Variants in B4GALT5 observed in about 807,000 individuals in gnomAD.
B4GALT5 encodes beta-1,4-galactosyltransferase 5.
Under a neutral mutation model 45.0 loss-of-function variants are expected in B4GALT5, and 11 were observed. That is an observed-to-expected ratio of 0.24 (90% CI 0.15 to 0.40). The LOEUF (loss-of-function observed/expected upper bound fraction) is 0.40. Ranked by LOEUF, B4GALT5 falls within the 10% of genes least tolerant of loss-of-function variation. The probability of loss-of-function intolerance (pLI) is 1.00; values close to 1 mark genes in which losing one functional copy is unlikely to be tolerated. For missense variants in B4GALT5, 337 were observed against 500.2 expected (o/e 0.67, Z 3.11); for synonymous variants, 185 against 182.9 (o/e 1.01, Z -0.09).
At chr20:49,678,566 C>G (rs780005186) in intron 1 of B4GALT5, among the ~76,000 whole-genome samples, 1 of 152,150 alleles carries the variant, frequency 6.6e-6, no homozygotes, top group Non-Finnish European at 1.5e-5. Context: ...TTGAAAGAAG[C>G]CTACTAATGC....
intron 1 of B4GALT5, among the ~76,000 whole-genome samples, chr20:49,659,283 C>A (rs528357363): frequency 4.6e-5 from 7 of 152,328 alleles, no homozygotes; most frequent in African/African-American, 1.7e-4. Context: ...TTGCCTTTAT[C>A]CCTGAGCTGC....
intron 1 of B4GALT5, among the ~76,000 whole-genome samples, chr20:49,670,995 GA>G (rs892102060): frequency 6.6e-6 from 1 of 151,932 alleles, no homozygotes; most frequent in Non-Finnish European, 1.5e-5. Flanking sequence ...AAAGGGTCTG[GA>G]AAAAAAATTA....
intron 1 of B4GALT5, among the ~76,000 whole-genome samples, chr20:49,664,421 TACACACACACACACACACACAC>T (rs55990435): frequency 1.7e-4 from 22 of 128,910 alleles, no homozygotes; most frequent in African/African-American, 3.5e-4. Flanking sequence ...GGTCTCCAAA[TACACACACACACACACACACAC>T]ACACACACAC....
At chr20:49,644,182 C>T (rs1350731020) in intron 3 of B4GALT5, among the ~76,000 whole-genome samples, 1 of 152,030 alleles carries the variant, frequency 6.6e-6, no homozygotes, top group East Asian at 1.9e-4. Context: ...CCACCTGGGC[C>T]ACCCAAAATG....
At chr20:49,696,766 T>C (rs997149082) in intron 1 of B4GALT5, among the ~76,000 whole-genome samples, 1 of 152,208 alleles carries the variant, frequency 6.6e-6, no homozygotes, top group Non-Finnish European at 1.5e-5. Flanking sequence ...CCAAGTTGAT[T>C]TAATGGTTTA....
intron 2 of B4GALT5, 59 bp downstream of exon 2, chr20:49,656,509 A>T: frequency 6.3e-7 from 1 of 1,592,612 alleles, no homozygotes; most frequent in South Asian, 1.1e-5. Flanking sequence ...ATTGCAACCG[A>T]ATTTACCTCT....
chr20:49,707,784 T>C (rs781081187), intron 1 of B4GALT5, among the ~76,000 whole-genome samples: 2 of 152,102 alleles, frequency 1.3e-5, no homozygotes, highest in Non-Finnish European at 2.9e-5. Context: ...ACTAATTTTT[T>C]TGTATTTTTA....
At chr20:49,682,969 C>T (rs537601580) in intron 1 of B4GALT5, among the ~76,000 whole-genome samples, 2 of 152,068 alleles carry the variant, frequency 1.3e-5, no homozygotes, top group South Asian at 2.1e-4. Context: ...TGGTGTGCAC[C>T]TGTAGTCCCA....
chr20:49,677,647 A>G (rs1417212500), intron 1 of B4GALT5, among the ~76,000 whole-genome samples: 6 of 152,208 alleles, frequency 3.9e-5, no homozygotes, highest in African/African-American at 1.4e-4. Context: ...ATAAAACAAA[A>G]ATTACATATA....
At chr20:49,648,181 A>C (rs190579471) in intron 2 of B4GALT5, among the ~76,000 whole-genome samples, 11 of 152,226 alleles carry the variant, frequency 7.2e-5, no homozygotes, top group African/African-American at 2.2e-4. Context: ...TCCTGGTCTG[A>C]CCAGATTCTC....
chr20:49,702,899 C>G (rs981560961), intron 1 of B4GALT5, among the ~76,000 whole-genome samples: 6 of 151,448 alleles, frequency 4.0e-5, no homozygotes, highest in Non-Finnish European at 8.8e-5. Flanking sequence ...ACTGGCCAGG[C>G]GCGGTGGCTC....
chr20:49,645,155 T>C (rs1018278005), intron 3 of B4GALT5, among the ~76,000 whole-genome samples: 7 of 152,316 alleles, frequency 4.6e-5, no homozygotes, highest in African/African-American at 1.2e-4. Context: ...GGCAGGACGA[T>C]TGCTCCCTGA....
At chr20:49,693,053 G>C (rs1027325392) in intron 1 of B4GALT5, among the ~76,000 whole-genome samples, 2 of 152,112 alleles carry the variant, frequency 1.3e-5, no homozygotes, top group African/African-American at 2.4e-5. Flanking sequence ...TGTAGCCTAC[G>C]AATAATAGGC....
chr20:49,645,190 T>G (rs1462822994), intron 3 of B4GALT5, among the ~76,000 whole-genome samples: 1 of 151,612 alleles, frequency 6.6e-6, no homozygotes, highest in African/African-American at 2.4e-5. Context: ...CTGGGCAACA[T>G]AGTGAGACCC....
intron 1 of B4GALT5, among the ~76,000 whole-genome samples, chr20:49,681,216 T>TTA (rs1555813241): frequency 4.1e-5 from 3 of 72,462 alleles, no homozygotes; most frequent in East Asian, 3.8e-4. Context: ...ACCCCATCTC[T>TTA]AAAAAAAAAA....
intron 1 of B4GALT5, among the ~76,000 whole-genome samples, chr20:49,667,085 C>G (rs1325211569): frequency 2.6e-5 from 4 of 152,154 alleles, no homozygotes; most frequent in Admixed American, 6.5e-5. Flanking sequence ...CATGTGGAGC[C>G]AAGATTTCAC....
intron 2 of B4GALT5, 125 bp from the exon 3 acceptor site, chr20:49,647,203 A>T (rs1383906685): frequency 1.2e-5 from 7 of 596,606 alleles, no homozygotes. Flanking sequence ...AGGACTCTGG[A>T]CTACCGCTTT....
chr20:49,708,666 G>T (rs555380590), intron 1 of B4GALT5, among the ~76,000 whole-genome samples: 2 of 152,002 alleles, frequency 1.3e-5, no homozygotes, highest in Non-Finnish European at 2.9e-5. Flanking sequence ...AAATGTCATC[G>T]GCCAGGCGCA....
chr20:49,679,599 C>T (rs1391826926), intron 1 of B4GALT5, among the ~76,000 whole-genome samples: 1 of 151,858 alleles, frequency 6.6e-6, no homozygotes, highest in Non-Finnish European at 1.5e-5. Context: ...TCACTTGAAC[C>T]CAGGAGGCGG....
Sources: gnomAD v4.1 joint callset for allele counts (sites outside exome capture counted in the v4.1 genomes callset) on GRCh38, gnomAD v4.1.1 for gene constraint, MANE v1.5 for transcripts, NCBI Gene and HGNC (gene_info 2026-07-23, HGNC 2026-07-21) for gene names.